DDX50: variants seen among roughly 807,000 people sequenced by gnomAD.
The protein encoded by DDX50 is DExD-box helicase 50, also known as ATP-dependent RNA helicase DDX50.
In DDX50, 56 loss-of-function variants were observed where a neutral mutation model predicts 94.8. The observed-to-expected ratio is 0.59, with a 90% CI of 0.48 to 0.74. DDX50 has a LOEUF of 0.74. Ranked by LOEUF, DDX50 falls within the 30% of genes least tolerant of loss-of-function variation. The probability of loss-of-function intolerance (pLI) is 0.00; values close to 1 mark genes in which losing one functional copy is unlikely to be tolerated. For synonymous variants in DDX50, 264 were observed against 295.4 expected, an observed-to-expected ratio of 0.89 and a Z score of 1.09; for missense variants, 713 against 881.2, an observed-to-expected ratio of 0.81 and a Z score of 2.42.
intron 8 of DDX50, among the ~76,000 whole-genome samples, chr10:68,920,215 G>A (rs1030170529): frequency 4.0e-5 from 6 of 151,852 alleles, no homozygotes; most frequent in Non-Finnish European, 8.8e-5. Context: ...AGGCTGGAGT[G>A]CAGTGGGACA....
At chr10:68,912,288 T>A (rs1253773223) in intron 4 of DDX50, among the ~76,000 whole-genome samples, 1 of 152,150 alleles carries the variant, frequency 6.6e-6, no homozygotes, top group Non-Finnish European at 1.5e-5. Flanking sequence ...CATGGCTCAT[T>A]GTAGCCATGA....
chr10:68,923,111 TAAAAAAA>T (rs71474455), intron 8 of DDX50, among the ~76,000 whole-genome samples: 2 of 114,450 alleles, frequency 1.7e-5, no homozygotes, highest in Non-Finnish European at 3.4e-5. Flanking sequence ...CCCTTTCTCT[TAAAAAAA>T]AAAAAAAAAA....
Position 68,907,651 on chromosome 10 carries a change from A to G in DDX50, c.384+644A>G, listed in dbSNP as rs139205054. Among the ~76,000 whole-genome samples, 1,061 of 152,148 alleles carry G rather than the reference A, an allele frequency of 7.0e-3. 16 individuals are homozygous for G. Among genetic ancestry groups the G allele is most frequent in the African/African-American group, 0.024 (1,016 of 41,502 alleles). ...TAATTCTTTATATTATATAAATACG[A>G]TAATTGCTGATATTCATATACATTT... On this transcript the variant is annotated intron_variant, in intron 2 of 14. Coordinates refer to ENST00000373585, the MANE Select transcript of DDX50 (RefSeq NM_024045.2).
intron 12 of DDX50, among the ~76,000 whole-genome samples, chr10:68,939,874 A>G (rs2132061978): frequency 8.5e-6 from 1 of 117,164 alleles, no homozygotes. Context: ...ATACAGGTGT[A>G]GGTACATGCA....
chr10:68,910,209 A>T, intron 2 of DDX50, 98 bp from the exon 3 acceptor site: 1 of 1,054,214 alleles, frequency 9.5e-7, no homozygotes, highest in Non-Finnish European at 1.4e-6. Flanking sequence ...AAAGTGTTCC[A>T]CTAATTTTCC....
intron 12 of DDX50, among the ~76,000 whole-genome samples, chr10:68,939,927 C>G (rs1033808684): frequency 1.0e-4 from 14 of 139,888 alleles, no homozygotes; most frequent in Admixed American, 8.9e-4. Flanking sequence ...GGACTACTTA[C>G]TGCTGAATCT....
chr10:68,943,868 T>C (rs1237551319), intron 14 of DDX50, among the ~76,000 whole-genome samples: 6 of 152,200 alleles, frequency 3.9e-5, no homozygotes, highest in Non-Finnish European at 8.8e-5. Flanking sequence ...TGAGCCACCA[T>C]ACCCAGTAAA....
In DDX50 at chr10:68,913,163, T is replaced by G. The variant is rs1401802091; in HGVS notation, c.641T>G (p.Val214Gly). 1 of 1,600,368 alleles carries G rather than the reference T, an allele frequency of 6.2e-7. No homozygotes were observed. The highest frequency in any genetic ancestry group is 8.5e-7 in the Non-Finnish European group (1 of 1,176,620). Residue 214 changes from valine to glycine, a missense_variant and splice_region_variant, in exon 5 of 15, where the codon GTA (valine) becomes GGA (glycine). Val to Gly is a moderately radical substitution (Grantham distance 109). Transcript: ENST00000373585. The part of the protein sequence containing the change: ...ETIKKSRSPK[V>G]LVLAPTRELA... ...TTGTTTTTTAAACCTCTTGCTCAGG[T>G]ACTTGTTTTGGCTCCAACAAGGGAA...
chr10:68,943,265 T>C lies in DDX50; in HGVS notation c.1935+8T>C. On this transcript the variant is annotated splice_region_variant and intron_variant, in intron 14 of 14. Transcript: ENST00000373585. ...GAGTCAGAAAGGTTACAGGTATTTT[T>C]AAAATTTTATCTTTTAAATGGTTGA... 6.2e-7 allele frequency: 1 copy of C among 1,601,856 alleles called. No homozygotes were observed. Among genetic ancestry groups the C allele is most frequent in the Non-Finnish European group, 8.5e-7 (1 of 1,175,888 alleles).
Position 68,911,075 on chromosome 10 carries a change from G to T in DDX50, c.468G>T (p.Gly156=), listed in dbSNP as rs1013750872. Residue 156 remains glycine (G), a synonymous_variant, in exon 4 of 15, where the codon GGG becomes GGT. Transcript: ENST00000373585. Reference sequence around the variant, plus strand: ...TTAAATCTCATTTTACAGGTCGAGGGGTAACATATCTCTTTCCTATTCAAG... The same window carrying T: ...TTAAATCTCATTTTACAGGTCGAGGTGTAACATATCTCTTTCCTATTCAAG... ...EETIKLLKGR[G]VTYLFPIQVK... The T allele has an allele frequency of 3.3e-6, 5 of 1,538,358 alleles. No homozygotes were observed. The highest frequency in any genetic ancestry group is 4.4e-6 in the Non-Finnish European group (5 of 1,146,764).
Position 68,913,303 on chromosome 10 carries a change from G to A in DDX50, c.757+24G>A, listed in dbSNP as rs761201156. The stretch of plus-strand genomic sequence containing the variant: ...AAGTGAGTAAATATGTTTGATAGAC[G>A]TGCAAAGGCATATTTGATACTCATA... On this transcript the variant is annotated intron_variant, in intron 5 of 14. Transcript: ENST00000373585. 1.6e-5 allele frequency: 26 copies of A among 1,604,838 alleles called. No homozygotes were observed. In the Admixed American group the frequency reaches 2.3e-4, roughly 14 times the overall value.
At chr10:68,924,772 T>A (rs191431559) in intron 8 of DDX50, among the ~76,000 whole-genome samples, 24 of 152,270 alleles carry the variant, frequency 1.6e-4, no homozygotes, top group East Asian at 1.3e-3. Context: ...TTAGTTTAGA[T>A]CCTCTGTCCA....
intron 8 of DDX50, among the ~76,000 whole-genome samples, chr10:68,928,977 T>C (rs1842161202): frequency 6.6e-6 from 1 of 151,888 alleles, no homozygotes; most frequent in Non-Finnish European, 1.5e-5. Context: ...TGAGACGGAG[T>C]CTTGCTCTTT....
chr10:68,939,670 CCTTTA>C (rs1297003081), intron 12 of DDX50, among the ~76,000 whole-genome samples: 1 of 152,146 alleles, frequency 6.6e-6, no homozygotes, highest in Non-Finnish European at 1.5e-5. Flanking sequence ...GTTGCTTCCT[CCTTTA>C]CTTCATTCTG....
At chr10:68,946,225 C>T in intron 14 of DDX50, 127 bp from the exon 15 acceptor site, 1 of 1,159,036 alleles carries the variant, frequency 8.6e-7, no homozygotes, top group South Asian at 2.0e-5. Flanking sequence ...CATTTTTGTT[C>T]CAGATACGTT....
Position 68,934,292 on chromosome 10 carries a change from A to G in DDX50, c.1333A>G (p.Thr445Ala). The change falls in exon 9 of 15, where the codon ACC becomes GCC. Residue 445 changes from threonine (T) to alanine (A), a missense_variant. Transcript: ENST00000373585. This position sits in a 1 kb window ranked among gnomAD's most constrained non-coding sequence, Gnocchi z 4.0. ...REGSFKVLVA[T>A]NVAARGLDIP... ...AGGTAGTTTTAAAGTTTTGGTGGCAACCAATGTGGCTGCCCGTGGTTTGGA... is the reference window on the plus strand; with the variant it reads ...AGGTAGTTTTAAAGTTTTGGTGGCAGCCAATGTGGCTGCCCGTGGTTTGGA... 6.2e-7 allele frequency: 1 copy of G among 1,613,698 alleles called. No individual in the cohort carries two copies. Among genetic ancestry groups the G allele is most frequent in the Non-Finnish European group, 8.5e-7 (1 of 1,179,862 alleles).
At chr10:68,939,188 T>C (rs1589272435) in intron 12 of DDX50, among the ~76,000 whole-genome samples, 1 of 152,210 alleles carries the variant, frequency 6.6e-6, no homozygotes, top group South Asian at 2.1e-4. Context: ...TGTAAAGGTG[T>C]ATTTTACTCT....
At chr10:68,925,130 T>C (rs147917238) in intron 8 of DDX50, among the ~76,000 whole-genome samples, 5,359 of 139,020 alleles carry the variant, frequency 0.039, 126 homozygotes, top group Middle Eastern at 0.072. Context: ...TGAGAAGGAG[T>C]TCTGCTCTTG....
chr10:68,936,518 ATATATATATATAT>A (rs1564616503), intron 11 of DDX50, among the ~76,000 whole-genome samples: 67 of 26,166 alleles, frequency 2.6e-3, no homozygotes, highest in African/African-American at 9.3e-3. Context: ...AAAAAAAAAT[ATATATATATATAT>A]ATATATATAT....
Sources: allele counts gnomAD v4.1 joint callset (sites outside exome capture counted in the v4.1 genomes callset), GRCh38; gene constraint gnomAD v4.1.1; non-coding constraint Gnocchi (gnomAD v3.1); transcripts MANE v1.5; gene names NCBI Gene and HGNC (gene_info 2026-07-23, HGNC 2026-07-21).